SPDYA: variants seen among roughly 807,000 people sequenced by gnomAD.
The protein encoded by SPDYA is speedy protein A.
Under a neutral mutation model 36.7 loss-of-function variants are expected in SPDYA, and 11 were observed. The ratio of observed to expected loss-of-function variants is 0.30; its 90% CI spans 0.19 to 0.50. SPDYA has a LOEUF of 0.50. Ranked by LOEUF, SPDYA falls within the 20% of genes least tolerant of loss-of-function variation. The pLI, the probability that SPDYA is intolerant of heterozygous loss-of-function variation, is 0.98. For missense variants in SPDYA, 287 were observed against 370.9 expected (o/e 0.77, Z 1.86); for synonymous variants, 115 against 118.7 (o/e 0.97, Z 0.20).
rs764422379 is a variant in SPDYA at position 28,840,231 on chromosome 2, T to C, written c.612T>C (p.Ser204=). 2.5e-6 allele frequency: 4 copies of C among 1,614,224 alleles called. No homozygotes were observed. The highest frequency in any genetic ancestry group is 2.2e-5 in the East Asian group (1 of 44,886). The part of the protein sequence containing the change: ...IWQRERSVHH[S]GAVRNYNRDE... Reference sequence around the variant, plus strand: ...AAAGAGAACGTTCTGTTCATCACAGTGGAGCTGTCAGAAACTACAACAGAG... The same window carrying C: ...AAAGAGAACGTTCTGTTCATCACAGCGGAGCTGTCAGAAACTACAACAGAG... Residue 204 remains serine (S), a synonymous_variant, in exon 7 of 8, where the codon AGT becomes AGC. Transcript: ENST00000334056.
At chr2:28,817,649 G>C (rs1668021076) in intron 3 of SPDYA, among the ~76,000 whole-genome samples, 1 of 151,646 alleles carries the variant, frequency 6.6e-6, no homozygotes, top group South Asian at 2.1e-4. Flanking sequence ...GCTGAAGGGG[G>C]CGGACCACTT....
intron 7 of SPDYA, among the ~76,000 whole-genome samples, chr2:28,841,859 C>T (rs1668759273): frequency 6.6e-6 from 1 of 152,120 alleles, no homozygotes; most frequent in Non-Finnish European, 1.5e-5. Flanking sequence ...TAGCAAGACC[C>T]CATCTATTTA....
intron 4 of SPDYA, among the ~76,000 whole-genome samples, chr2:28,819,881 TA>T (rs1668111766): frequency 1.0e-4 from 5 of 48,040 alleles, no homozygotes; most frequent in Non-Finnish European, 1.7e-4. Flanking sequence ...TATATATATA[TA>T]TATATATATA....
chr2:28,823,002 CTT>C (rs138612072), intron 5 of SPDYA, among the ~76,000 whole-genome samples: 11,053 of 152,154 alleles, frequency 0.073, 415 homozygotes, highest in Non-Finnish European at 0.077. Context: ...CTCTTTGTGA[CTT>C]AGATATTTTT....
intron 4 of SPDYA, 86 bp from the exon 5 acceptor site, chr2:28,822,239 A>C: frequency 1.8e-6 from 1 of 568,750 alleles, no homozygotes; most frequent in South Asian, 3.1e-5. Flanking sequence ...CTTATTCATC[A>C]GAAAATTTTA....
chr2:28,840,549 C>CATA lies in SPDYA; in HGVS notation c.850+86_850+88dup, dbSNP rs201628767. ...TAGTCAGTCCTTTCTGGCGGGGATACATAATAATTTATATACTCCAACAAT... is the reference window on the plus strand; with the variant it reads ...TAGTCAGTCCTTTCTGGCGGGGATACATAATAATAATTTATATACTCCAACAAT... On this transcript the variant is annotated intron_variant, in intron 7 of 7. Transcript: ENST00000334056. The CATA allele has an allele frequency of 3.6e-3, 5,393 of 1,518,636 alleles. 155 individuals are homozygous for CATA. The African/African-American group carries it at 0.065, about 18-fold the overall frequency. 94.1% of individuals were successfully genotyped at this position (1,518,636 alleles called of 1,614,324 possible).
At position 28,810,896 on chromosome 2, in the gene SPDYA, G is replaced by C. The variant is rs1006726031; in HGVS notation, c.-144G>C. The C allele has an allele frequency of 6.6e-6, 1 of 152,218 alleles. No individual in the cohort carries two copies. The highest frequency in any genetic ancestry group is 1.5e-5 in the Non-Finnish European group (1 of 68,086). 9.4% of individuals were successfully genotyped at this position (152,218 alleles called of 1,614,324 possible). A position where few individuals can be genotyped will look rare whatever the true frequency, so the allele number is the denominator to read the frequency against. ...CTGAGGCCAGGAGCGCTGCGACGGA[G>C]CCTTGACCGCCGTTGCCCGGCCCTC... On this transcript the variant is annotated 5_prime_UTR_variant, in exon 1 of 8. Transcript: ENST00000334056.
intron 1 of SPDYA, among the ~76,000 whole-genome samples, chr2:28,813,263 G>A (rs141710463): frequency 1.8e-4 from 27 of 152,208 alleles, no homozygotes; most frequent in African/African-American, 6.5e-4. Flanking sequence ...GTGTAAAGAC[G>A]CCTACTGTGG....
At chr2:28,822,207 A>G in intron 4 of SPDYA, 118 bp from the exon 5 acceptor site, 1 of 469,992 alleles carries the variant, frequency 2.1e-6, no homozygotes. Context: ...ATTCTATAAT[A>G]AGTAACACTT....
chr2:28,835,142 A>G lies in SPDYA; in HGVS notation c.553-5030A>G, dbSNP rs141213653. On this transcript the variant is annotated intron_variant, in intron 6 of 7. Transcript: ENST00000334056. ...CAGTGTGCAATCGTAGCTCACTGCA[A>G]CCTTGAACTCCTGGGCTCAAGCAAT... Among the ~76,000 whole-genome samples the G allele has an allele frequency of 1.8e-3, 268 of 151,940 alleles. 1 individual carries two copies. The highest frequency in any genetic ancestry group is 2.4e-3 in the Non-Finnish European group (160 of 67,974).
chr2:28,820,944 T>C (rs1293434814), intron 4 of SPDYA, among the ~76,000 whole-genome samples: 3 of 152,198 alleles, frequency 2.0e-5, no homozygotes, highest in Non-Finnish European at 4.4e-5. Flanking sequence ...CATATGCATC[T>C]CATCTAGCTA....
intron 3 of SPDYA, among the ~76,000 whole-genome samples, chr2:28,817,911 A>G (rs1394535082): frequency 6.9e-6 from 1 of 144,892 alleles, no homozygotes; most frequent in Non-Finnish European, 1.5e-5. Context: ...CTGTAATCCT[A>G]GCACTTTGGG....
At chr2:28,826,352 G>A (rs1446452281) in intron 5 of SPDYA, among the ~76,000 whole-genome samples, 1 of 151,938 alleles carries the variant, frequency 6.6e-6, no homozygotes, top group Non-Finnish European at 1.5e-5. Context: ...GGCCAAGCTG[G>A]CCTCAAACTC....
chr2:28,836,551 T>C (rs1383939227), intron 6 of SPDYA, among the ~76,000 whole-genome samples: 1 of 152,202 alleles, frequency 6.6e-6, no homozygotes, highest in Non-Finnish European at 1.5e-5. Context: ...TTTTTAATCT[T>C]GGCTGCAAAG....
intron 1 of SPDYA, among the ~76,000 whole-genome samples, chr2:28,813,290 T>C (rs1257197887): frequency 6.6e-6 from 1 of 152,214 alleles, no homozygotes; most frequent in Non-Finnish European, 1.5e-5. Context: ...TTTACCTTTT[T>C]GATTGATAGA....
chr2:28,847,552 C>T (rs1418362218), intron 7 of SPDYA, among the ~76,000 whole-genome samples: 1 of 151,764 alleles, frequency 6.6e-6, no homozygotes, highest in Non-Finnish European at 1.5e-5. Flanking sequence ...TTGTGACCAG[C>T]CTGGCTAACA....
At chr2:28,819,411 G>A (rs1350335952) in intron 4 of SPDYA, among the ~76,000 whole-genome samples, 2 of 151,980 alleles carry the variant, frequency 1.3e-5, no homozygotes, top group African/African-American at 4.8e-5. Context: ...AGCTGAGGTG[G>A]GAGGATCACT....
intron 6 of SPDYA, among the ~76,000 whole-genome samples, chr2:28,836,418 G>A (rs145774889): frequency 9.8e-5 from 15 of 152,290 alleles, no homozygotes; most frequent in African/African-American, 2.9e-4. Context: ...TTTGTCCATG[G>A]CCATGAAGTT....
At chr2:28,827,142 G>C (rs1181763394) in intron 5 of SPDYA, among the ~76,000 whole-genome samples, 16 of 150,734 alleles carry the variant, frequency 1.1e-4, no homozygotes, top group Admixed American at 1.1e-3. Context: ...GGGTTTCACC[G>C]TGTTAGCCAG....
Sources: allele counts gnomAD v4.1 joint callset (sites outside exome capture counted in the v4.1 genomes callset), GRCh38; gene constraint gnomAD v4.1.1; transcripts MANE v1.5; gene names NCBI Gene and HGNC (gene_info 2026-07-23, HGNC 2026-07-21).